SLC4A8: variants seen among roughly 807,000 people sequenced by gnomAD.
The protein encoded by SLC4A8 is solute carrier family 4 member 8.
In SLC4A8, 40 loss-of-function variants were observed where a neutral mutation model predicts 125.0. The ratio of observed to expected loss-of-function variants is 0.32; its 90% CI spans 0.25 to 0.42. SLC4A8 has a LOEUF of 0.42. Among genes scored for constraint, SLC4A8 ranks in the 10% least tolerant of loss-of-function variants. The pLI, the probability that SLC4A8 is intolerant of heterozygous loss-of-function variation, is 1.00. For missense variants in SLC4A8, 863 were observed against 1,355.1 expected (o/e 0.64, Z 5.70); for synonymous variants, 456 against 476.0 (o/e 0.96, Z 0.55).
chr12:51,481,925 G>A (rs1217464985), intron 16 of SLC4A8, among the ~76,000 whole-genome samples: 2 of 152,120 alleles, frequency 1.3e-5, no homozygotes, highest in Non-Finnish European at 2.9e-5. Flanking sequence ...CCGCACTCCA[G>A]CCTGGGCAAC....
intron 7 of SLC4A8, among the ~76,000 whole-genome samples, chr12:51,459,607 C>T (rs747974257): frequency 2.0e-5 from 3 of 152,124 alleles, no homozygotes; most frequent in African/African-American, 4.8e-5. Context: ...CAGTGGCTAA[C>T]GCCTGTAATC....
chr12:51,419,360 T>A (rs1169988265), intron 1 of SLC4A8, among the ~76,000 whole-genome samples: 1 of 152,234 alleles, frequency 6.6e-6, no homozygotes, highest in African/African-American at 2.4e-5. Context: ...CCCTACTTAG[T>A]ATAATACTTA....
chr12:51,451,709 GAAC>G (rs1163214152), intron 3 of SLC4A8, among the ~76,000 whole-genome samples: 1 of 148,118 alleles, frequency 6.8e-6, no homozygotes, highest in African/African-American at 2.5e-5. Flanking sequence ...CAGAAGAAAA[GAAC>G]AATATGGGAA....
intron 22 of SLC4A8, among the ~76,000 whole-genome samples, chr12:51,499,162 A>G (rs1937726281): frequency 6.6e-6 from 1 of 152,142 alleles, no homozygotes; most frequent in Non-Finnish European, 1.5e-5. Flanking sequence ...GCCTGGGCGA[A>G]AGAACAAGAC....
Position 51,451,071 on chromosome 12 carries a change from G to A in SLC4A8, c.277+49G>A, listed in dbSNP as rs1243699033. The A allele has an allele frequency of 4.4e-6, 6 of 1,376,804 alleles. No homozygotes were observed. In the African/African-American group the frequency reaches 7.5e-5, roughly 17 times the overall value. 85.3% of individuals were successfully genotyped at this position (1,376,804 alleles called of 1,614,324 possible). ...GGGTGTCCATGGCCCAGGGGAATGG[G>A]GAGGCTGAGGGGACATGTGACTGAC... On this transcript the variant is annotated intron_variant, in intron 3 of 24. Coordinates refer to ENST00000453097, the MANE Select transcript of SLC4A8 (RefSeq NM_001039960.3).
At chr12:51,411,208 T>C (rs1948591569) in intron 1 of SLC4A8, among the ~76,000 whole-genome samples, 1 of 152,142 alleles carries the variant, frequency 6.6e-6, no homozygotes, top group Admixed American at 6.6e-5. Flanking sequence ...TATGCAATAA[T>C]TTGGTTAGTT....
At chr12:51,429,076 A>AT (rs1949100655) in intron 1 of SLC4A8, among the ~76,000 whole-genome samples, 1 of 151,648 alleles carries the variant, frequency 6.6e-6, no homozygotes, top group African/African-American at 2.4e-5. Context: ...CCCCTAGCTA[A>AT]TTTTTTTGTA....
chr12:51,506,581 C>T (rs1238850245), intron 24 of SLC4A8, among the ~76,000 whole-genome samples: 1 of 152,096 alleles, frequency 6.6e-6, no homozygotes, highest in Non-Finnish European at 1.5e-5. Context: ...AGTACAGGTG[C>T]ATGCCACCCC....
At chr12:51,502,861 T>G (rs1404212836) in intron 22 of SLC4A8, among the ~76,000 whole-genome samples, 1 of 139,980 alleles carries the variant, frequency 7.1e-6, no homozygotes, top group Non-Finnish European at 1.5e-5. Flanking sequence ...TTTTTTGAGA[T>G]GGAGTCTCGC....
At chr12:51,451,101 G>C in intron 3 of SLC4A8, 79 bp downstream of exon 3, 1 of 1,200,704 alleles carries the variant, frequency 8.3e-7, no homozygotes, top group Non-Finnish European at 1.1e-6. Flanking sequence ...ACTGACATTA[G>C]CAGCTGGTCT....
At chr12:51,438,688 T>G (rs1239885365) in intron 1 of SLC4A8, among the ~76,000 whole-genome samples, 1 of 152,190 alleles carries the variant, frequency 6.6e-6, no homozygotes, top group Non-Finnish European at 1.5e-5. Context: ...GTTTGTAGTT[T>G]TTTGAGGAAC....
chr12:51,479,294 A>G (rs1422148542), intron 16 of SLC4A8, among the ~76,000 whole-genome samples: 5 of 152,158 alleles, frequency 3.3e-5, no homozygotes, highest in African/African-American at 1.2e-4. Flanking sequence ...CCATAGAATA[A>G]TGACTCCACA....
intron 21 of SLC4A8, 57 bp from the exon 22 acceptor site, chr12:51,496,930 A>G (rs770631980): frequency 1.8e-4 from 285 of 1,566,626 alleles, no homozygotes; most frequent in Non-Finnish European, 2.4e-4. Flanking sequence ...CTTTGCTTTT[A>G]AGTCCAGGAA....
intron 11 of SLC4A8, among the ~76,000 whole-genome samples, chr12:51,464,540 GAA>G (rs1950454077): frequency 6.6e-6 from 1 of 152,162 alleles, no homozygotes; most frequent in Non-Finnish European, 1.5e-5. Flanking sequence ...TGGTAAACGA[GAA>G]TGATATTTTG....
intron 1 of SLC4A8, among the ~76,000 whole-genome samples, chr12:51,410,521 G>C (rs965503697): frequency 1.3e-5 from 2 of 151,568 alleles, no homozygotes; most frequent in Admixed American, 6.6e-5. Context: ...GCAGTGGCGC[G>C]ATCTTCGCTC....
intron 1 of SLC4A8, chr12:51,425,440 T>C (rs1948939296): frequency 2.0e-6 from 2 of 1,012,056 alleles, no homozygotes; most frequent in Non-Finnish European, 2.4e-6. Context: ...TCTTTGTGTT[T>C]TTATTTCTGG....
Sources: gnomAD v4.1 joint callset for allele counts (sites outside exome capture counted in the v4.1 genomes callset) on GRCh38, gnomAD v4.1.1 for gene constraint, MANE v1.5 for transcripts, NCBI Gene and HGNC (gene_info 2026-07-23, HGNC 2026-07-21) for gene names.